Variants in MYCBP2 observed in about 807,000 individuals in gnomAD.
MYCBP2 encodes the protein E3 ubiquitin-protein ligase MYCBP2.
In MYCBP2, 120 loss-of-function variants were observed where a neutral mutation model predicts 525.3. That is an observed-to-expected ratio of 0.23 (90% CI 0.20 to 0.27). The LOEUF (loss-of-function observed/expected upper bound fraction) is 0.27, where lower values mean the gene tolerates loss of function less well. MYCBP2 is among the 10% of genes least tolerant of loss of function. The pLI is 1.00. For synonymous variants in MYCBP2, 1,894 were observed against 1,955.8 expected (o/e 0.97, Z 0.83); for missense variants, 4,149 against 5,657.1 (o/e 0.73, Z 8.55).
rs1566822377 is a variant in MYCBP2 at position 77,177,728 on chromosome 13, A to G, written c.5340+20T>C. Reference sequence around the variant, plus strand: ...ACACAACCCACTAATCAGGATAAATACTAAAAGGGTGATACTTACATCATC... The same window carrying G: ...ACACAACCCACTAATCAGGATAAATGCTAAAAGGGTGATACTTACATCATC... On this transcript the variant is annotated intron_variant, in intron 35 of 82. Coordinates refer to ENST00000544440, the MANE Select transcript of MYCBP2 (RefSeq NM_015057.5). 3.8e-6 allele frequency: 6 copies of G among 1,584,336 alleles called. No homozygotes were observed. Among genetic ancestry groups the G allele is most frequent in the Non-Finnish European group, 5.2e-6 (6 of 1,153,216 alleles).
intron 47 of MYCBP2, among the ~76,000 whole-genome samples, chr13:77,148,198 A>T (rs1441356857): frequency 6.6e-6 from 1 of 152,074 alleles, no homozygotes; most frequent in African/African-American, 2.4e-5. Context: ...TTTTTTAAAA[A>T]ATGAGACAAA....
intron 40 of MYCBP2, among the ~76,000 whole-genome samples, chr13:77,166,976 TACACAC>T (rs539593054): frequency 0.21 from 26,162 of 126,846 alleles, 2,597 homozygotes; most frequent in Admixed American, 0.26. Flanking sequence ...AACACACACA[TACACAC>T]ACACACACAC....
intron 23 of MYCBP2, among the ~76,000 whole-genome samples, chr13:77,207,965 C>G (rs548050772): frequency 6.6e-6 from 1 of 150,600 alleles, no homozygotes; most frequent in African/African-American, 2.4e-5. Flanking sequence ...AAGCCCCACC[C>G]GCCCCAGCCC....
intron 23 of MYCBP2, among the ~76,000 whole-genome samples, chr13:77,207,836 T>C (rs764104840): frequency 5.9e-5 from 9 of 152,158 alleles, no homozygotes; most frequent in Middle Eastern, 3.2e-3. Context: ...ACTCTCTTGA[T>C]GGTAAATAAT....
chr13:77,189,118 A>G, intron 29 of MYCBP2, 71 bp from the exon 30 acceptor site: 1 of 1,101,234 alleles, frequency 9.1e-7, no homozygotes, highest in Non-Finnish European at 1.3e-6. Context: ...AAAGTATATT[A>G]TACATTTTTG....
Position 77,098,997 on chromosome 13 carries a change from G to A in MYCBP2, c.8157C>T (p.Ile2719=), listed in dbSNP as rs1408956680. 1 of 1,607,208 alleles carries A rather than the reference G, an allele frequency of 6.2e-7. No homozygotes were observed. Among genetic ancestry groups the A allele is most frequent in the Non-Finnish European group, 8.5e-7 (1 of 1,179,300 alleles). ...TAGAGGCTGGTTTAGAAGATGTTGA[G>A]ATGTTTCCTCGATCACCTGTATGGT... ...LGNSKGDRGN[I]STSSKPASTS... is the part of the protein sequence containing the mutation. Residue 2719 remains isoleucine (I), a synonymous_variant, in exon 56 of 83, where the codon ATC becomes ATT. Transcript: ENST00000544440.
chr13:77,084,793 A>C (rs1345935838), intron 62 of MYCBP2, among the ~76,000 whole-genome samples: 1 of 152,086 alleles, frequency 6.6e-6, no homozygotes, highest in African/African-American at 2.4e-5. Context: ...CCAGTCTAAG[A>C]GTGGCCAGGA....
chr13:77,155,464 T>C (rs2057094092), intron 46 of MYCBP2, among the ~76,000 whole-genome samples: 1 of 152,122 alleles, frequency 6.6e-6, no homozygotes, highest in Admixed American at 6.6e-5. Context: ...AAGTTTTAAA[T>C]GAGATATTCA....
At chr13:77,257,103 A>G (rs1463001835) in intron 14 of MYCBP2, among the ~76,000 whole-genome samples, 2 of 152,060 alleles carry the variant, frequency 1.3e-5, no homozygotes, top group African/African-American at 4.8e-5. Context: ...TAACTGGAGG[A>G]TATTATGTTA....
chr13:77,198,558 C>T (rs2062016346), intron 26 of MYCBP2, among the ~76,000 whole-genome samples: 1 of 152,178 alleles, frequency 6.6e-6, no homozygotes, highest in African/African-American at 2.4e-5. Flanking sequence ...TTCTCTTTCA[C>T]TTTTAGAGCA....
intron 55 of MYCBP2, among the ~76,000 whole-genome samples, chr13:77,100,796 T>C (rs1233340089): frequency 3.3e-5 from 5 of 152,120 alleles, no homozygotes; most frequent in African/African-American, 1.2e-4. Flanking sequence ...TGCTCTGTTT[T>C]ATAAATACAG....
At chr13:77,163,977 T>A (rs929183575) in intron 43 of MYCBP2, among the ~76,000 whole-genome samples, 7 of 152,210 alleles carry the variant, frequency 4.6e-5, no homozygotes, top group Non-Finnish European at 1.0e-4. Context: ...ACAGCTTTAA[T>A]CCTAAGCTAT....
Position 77,098,304 on chromosome 13 carries a change from G to A in MYCBP2, c.8850C>T (p.Thr2950=), listed in dbSNP as rs770240194. 6.2e-7 allele frequency: 1 copy of A among 1,611,618 alleles called. No individual in the cohort carries two copies. The highest frequency in any genetic ancestry group is 8.5e-7 in the Non-Finnish European group (1 of 1,179,766). The change falls in exon 56 of 83, where the codon ACC becomes ACT. Residue 2950 remains threonine, a synonymous_variant. Transcript: ENST00000544440. ...TLKTNSLTDS[T]CDDSSEFKSV... is the part of the protein sequence containing the mutation. ...TCTTAAATTCACTGCTGTCATCGCA[G>A]GTGCTGTCTGTTAGACTATTTGTTT... is the stretch of plus-strand genomic sequence containing the variant.
At chr13:77,169,573 T>G in intron 39 of MYCBP2, 41 bp downstream of exon 39, 1 of 1,548,052 alleles carries the variant, frequency 6.5e-7, no homozygotes. Flanking sequence ...AAAAAAGATA[T>G]TTAAAAAAAA....
chr13:77,088,555 A>C (rs892797203), intron 61 of MYCBP2, among the ~76,000 whole-genome samples: 2 of 152,144 alleles, frequency 1.3e-5, no homozygotes, highest in South Asian at 2.1e-4. Flanking sequence ...TGACATTCTG[A>C]GTATAAAAAG....
Position 77,098,963 on chromosome 13 carries a change from T to C in MYCBP2, c.8191A>G (p.Lys2731Glu), listed in dbSNP as rs2046646563. The change falls in exon 56 of 83, where the codon AAA becomes GAA. Residue 2731 changes from lysine to glutamate, a missense_variant. Around this residue, in one of 21 missense-constraint regions of MYCBP2, gnomAD observed 653 missense variants for 744.7 expected, o/e 0.88. Coordinates refer to ENST00000544440, the MANE Select transcript of MYCBP2 (RefSeq NM_015057.5). The stretch of plus-strand genomic sequence containing the variant: ...CTGTGTTTAGAGGACAGCTCTGATT[T>C]TCCTGATGTAGAGGCTGGTTTAGAA... ...TSSKPASTSG[K>E]SELSSKHSRS... The C allele has an allele frequency of 6.2e-7, 1 of 1,612,288 alleles. No individual in the cohort carries two copies. Among genetic ancestry groups the C allele is most frequent in the Admixed American group, 1.7e-5 (1 of 59,928 alleles).
At position 77,251,298 on chromosome 13, in the gene MYCBP2, T is replaced by C. The variant is rs773877752; in HGVS notation, c.2234A>G (p.Asp745Gly). The C allele has an allele frequency of 1.9e-6, 3 of 1,614,230 alleles. No homozygotes were observed. In the Admixed American group the frequency reaches 5.0e-5, roughly 27 times the overall value. ...CATCATAGACTTCTCATCTTTTTCA[T>C]CTAGTTCTTCTTCCAGGTCTTCATC... The part of the protein sequence containing the change: ...AMDEDLEEEL[D>G]EKDEKSMMCP... Residue 745 changes from aspartate (D) to glycine (G), a missense_variant, in exon 15 of 83, where the codon GAT becomes GGT. Asp to Gly is a moderately conservative substitution (Grantham distance 94). Around this residue, in one of 21 missense-constraint regions of MYCBP2, gnomAD observed 620 missense variants for 795.5 expected, o/e 0.78. Transcript: ENST00000544440.
At chr13:77,079,907 G>A (rs1332436151) in intron 65 of MYCBP2, among the ~76,000 whole-genome samples, 1 of 152,164 alleles carries the variant, frequency 6.6e-6, no homozygotes, top group Non-Finnish European at 1.5e-5. Flanking sequence ...GTAGATGTCA[G>A]CTTACATGTT....
Position 77,081,951 on chromosome 13 carries a change from A to T in MYCBP2, c.11079T>A (p.Leu3693=), listed in dbSNP as rs2043372283. The change falls in exon 64 of 83, where the codon CTT becomes CTA. Residue 3693 remains leucine (L), a synonymous_variant. Transcript: ENST00000544440. The surrounding 1 kb of genome is among the most constrained non-coding windows in gnomAD (Gnocchi z 4.6). ...LKFKQSDHQF[L]HQSNVFHHIN... is the part of the protein sequence containing the mutation. ...TGTGATGAAAGACGTTGCTCTGATG[A>T]AGGAACTGGTGATCAGATTGCTTGA... The T allele has an allele frequency of 6.2e-7, 1 of 1,613,594 alleles. No homozygotes were observed. Among genetic ancestry groups the T allele is most frequent in the African/African-American group, 1.3e-5 (1 of 75,006 alleles).
Sources: gnomAD v4.1 joint callset for allele counts (sites outside exome capture counted in the v4.1 genomes callset) on GRCh38, gnomAD v4.1.1 for gene constraint, gnomAD v4.1.1 regional missense constraint, Gnocchi (gnomAD v3.1) non-coding constraint, MANE v1.5 for transcripts, NCBI Gene and HGNC (gene_info 2026-07-23, HGNC 2026-07-21) for gene names.